GLIS3: variants seen among roughly 807,000 people sequenced by gnomAD.
GLIS3 encodes the protein GLIS family zinc finger 3.
In GLIS3, 53 loss-of-function variants were observed where a neutral mutation model predicts 78.6. The observed-to-expected ratio is 0.67, with a 90% CI of 0.54 to 0.85. The LOEUF (loss-of-function observed/expected upper bound fraction) is 0.85. GLIS3 is among the 40% of genes least tolerant of loss of function. GLIS3 has a pLI of 0.00. For missense variants in GLIS3, 1,703 were observed against 1,231.1 expected (o/e 1.38, Z -5.74); for synonymous variants, 684 against 509.9 (o/e 1.34, Z -4.60).
chr9:4,252,974 T>A (rs1006428804), intron 2 of GLIS3, among the ~76,000 whole-genome samples: 2 of 152,212 alleles, frequency 1.3e-5, no homozygotes, highest in African/African-American at 4.8e-5. Context: ...TGCCTGATCC[T>A]TCCTCTGGAA....
chr9:4,197,625 G>A (rs1489255985), intron 2 of GLIS3, among the ~76,000 whole-genome samples: 1 of 152,198 alleles, frequency 6.6e-6, no homozygotes, highest in East Asian at 1.9e-4. Context: ...AACCTGCCCA[G>A]TCCTGCCCTG....
chr9:4,282,580 A>T (rs1311963958), intron 2 of GLIS3, among the ~76,000 whole-genome samples: 1 of 152,140 alleles, frequency 6.6e-6, no homozygotes, highest in Non-Finnish European at 1.5e-5. Context: ...GCCTTCAGAC[A>T]GGGACTACAT....
At chr9:3,954,211 T>C (rs1430230119) in intron 4 of GLIS3, among the ~76,000 whole-genome samples, 1 of 152,336 alleles carries the variant, frequency 6.6e-6, no homozygotes, top group East Asian at 1.9e-4. Context: ...TCTTTTTGCA[T>C]TTGGAGAAAC....
chr9:3,874,060 C>A (rs1013841386), intron 8 of GLIS3, among the ~76,000 whole-genome samples: 2 of 152,212 alleles, frequency 1.3e-5, no homozygotes, highest in Non-Finnish European at 2.9e-5. Flanking sequence ...GTGATAGTGT[C>A]TTTTTGTATG....
intron 8 of GLIS3, among the ~76,000 whole-genome samples, chr9:3,876,457 T>C (rs1251200016): frequency 2.0e-5 from 3 of 151,288 alleles, no homozygotes; most frequent in Admixed American, 1.3e-4. Context: ...CATTAGAGAA[T>C]AGTATTATAT....
the GLIS3 span, among the ~76,000 whole-genome samples, chr9:4,427,347 G>C: frequency 3.3e-5 from 5 of 152,012 alleles, no homozygotes; most frequent in African/African-American, 1.2e-4. Context: ...CATTTATTTA[G>C]CAACTATTAG....
chr9:4,105,204 G>C (rs1208000350), intron 4 of GLIS3, among the ~76,000 whole-genome samples: 3 of 152,186 alleles, frequency 2.0e-5, no homozygotes, highest in Non-Finnish European at 4.4e-5. Flanking sequence ...GTGATTTAGA[G>C]ATGGTCAGTA....
At chr9:4,158,020 T>C (rs1208924700) in intron 2 of GLIS3, among the ~76,000 whole-genome samples, 2 of 152,232 alleles carry the variant, frequency 1.3e-5, no homozygotes, top group African/African-American at 2.4e-5. Flanking sequence ...AAACTCTGAA[T>C]TGCCATGGTT....
At chr9:3,867,765 G>A (rs1820695612) in intron 8 of GLIS3, among the ~76,000 whole-genome samples, 1 of 152,170 alleles carries the variant, frequency 6.6e-6, no homozygotes, top group Non-Finnish European at 1.5e-5. Context: ...GAGTGCATGT[G>A]TGTATGCGTG....
At chr9:4,444,591 G>T in the GLIS3 span, among the ~76,000 whole-genome samples, 1 of 152,204 alleles carries the variant, frequency 6.6e-6, no homozygotes. Context: ...GACTTCGCAG[G>T]TCTGGTAATC....
At chr9:3,856,784 G>C (rs575587320) in intron 8 of GLIS3, among the ~76,000 whole-genome samples, 1 of 152,162 alleles carries the variant, frequency 6.6e-6, no homozygotes, top group African/African-American at 2.4e-5. Flanking sequence ...CGTGGGCTCC[G>C]TGCTTGGCAA....
At chr9:4,162,265 G>C (rs1016987745) in intron 2 of GLIS3, among the ~76,000 whole-genome samples, 4 of 151,998 alleles carry the variant, frequency 2.6e-5, no homozygotes, top group African/African-American at 7.3e-5. Context: ...CTCTAATCCG[G>C]TATGACCTCA....
At chr9:4,178,498 G>C (rs1307372071) in intron 2 of GLIS3, among the ~76,000 whole-genome samples, 2 of 152,190 alleles carry the variant, frequency 1.3e-5, no homozygotes, top group Non-Finnish European at 2.9e-5. Flanking sequence ...CCAATGTCTA[G>C]ACTGCTGCTG....
At chr9:4,109,570 C>T (rs966223248) in intron 4 of GLIS3, among the ~76,000 whole-genome samples, 5 of 152,166 alleles carry the variant, frequency 3.3e-5, no homozygotes, top group African/African-American at 1.2e-4. Flanking sequence ...ATGGAGAAGA[C>T]CTGGGGAAGT....
the GLIS3 span, among the ~76,000 whole-genome samples, chr9:4,475,105 T>G: frequency 6.7e-6 from 1 of 150,308 alleles, no homozygotes; most frequent in Non-Finnish European, 1.5e-5. Context: ...GTGATTCCCC[T>G]TCCTCAGCCT....
chr9:4,260,281 A>C (rs1289114255), intron 2 of GLIS3, among the ~76,000 whole-genome samples: 1 of 152,086 alleles, frequency 6.6e-6, no homozygotes, highest in Non-Finnish European at 1.5e-5. Context: ...AAATACAAAA[A>C]TTAGGCCGGG....
rs148228608 is a variant in GLIS3, at chr9:3,828,165, C to T, written c.*107G>A. 32 of 1,337,986 alleles carry T rather than the reference C, an allele frequency of 2.4e-5. No homozygotes were observed. The highest frequency in any genetic ancestry group is 3.4e-5 in the Admixed American group (2 of 58,806). 82.9% of individuals were successfully genotyped at this position (1,337,986 alleles called of 1,614,324 possible). A position where few individuals can be genotyped will look rare whatever the true frequency, so the allele number is the denominator to read the frequency against. On this transcript the variant is annotated 3_prime_UTR_variant, in exon 11 of 11. Transcript: ENST00000381971. ...AGAACATCAGTAACTCTGCAGGGCC[C>T]GCTGATTGGGCTGACATCCTTCCTC...
chr9:4,139,153 C>T (rs1291908858), intron 2 of GLIS3, among the ~76,000 whole-genome samples: 1 of 152,132 alleles, frequency 6.6e-6, no homozygotes, highest in Non-Finnish European at 1.5e-5. Context: ...GATTCAGAAC[C>T]TTTCTTCCAT....
At chr9:4,058,806 C>G (rs1327495170) in intron 4 of GLIS3, among the ~76,000 whole-genome samples, 1 of 151,914 alleles carries the variant, frequency 6.6e-6, no homozygotes, top group Non-Finnish European at 1.5e-5. Flanking sequence ...CAGTGAAACC[C>G]CATCTCTACT....
Sources: allele counts gnomAD v4.1 joint callset (sites outside exome capture counted in the v4.1 genomes callset), GRCh38; gene constraint gnomAD v4.1.1; transcripts MANE v1.5; gene names NCBI Gene and HGNC (gene_info 2026-07-23, HGNC 2026-07-21).